Variants in TLN2 observed in about 807,000 individuals in gnomAD.
TLN2 encodes the protein talin-2.
TLN2 carries 118 observed loss-of-function variants against 294.7 expected under a neutral mutation model. That is an observed-to-expected ratio of 0.40 (90% CI 0.34 to 0.47). TLN2 has a LOEUF of 0.47. Among genes scored for constraint, TLN2 ranks in the 20% least tolerant of loss-of-function variants. The pLI is 0.84. For synonymous variants in TLN2, 1,431 were observed against 1,304.5 expected, an observed-to-expected ratio of 1.10 and a Z score of -2.09; for missense variants, 3,083 against 3,282.2, an observed-to-expected ratio of 0.94 and a Z score of 1.48.
At chr15:62,777,306 GC>G (rs2063786746) in intron 43 of TLN2, among the ~76,000 whole-genome samples, 1 of 152,148 alleles carries the variant, frequency 6.6e-6, no homozygotes, top group Non-Finnish European at 1.5e-5. Context: ...GGAGGCCAAG[GC>G]GGGCGGATCA....
rs566847301 is a variant in TLN2, at chr15:62,646,079, C to T, written c.-36-1196C>T. Among the ~76,000 whole-genome samples the T allele has an allele frequency of 2.6e-5, 4 of 152,260 alleles. No homozygotes were observed. In the East Asian group the frequency reaches 5.8e-4, roughly 22 times the overall value. On this transcript the variant is annotated intron_variant, in intron 3 of 58. Transcript: ENST00000636159. ...GAAAAACACTGAGTTGTTGAACTTA[C>T]ATTTTTAAAAGAAAGCATTTATGAG...
At chr15:62,772,857 T>A (rs1242322111) in intron 42 of TLN2, among the ~76,000 whole-genome samples, 2 of 151,854 alleles carry the variant, frequency 1.3e-5, no homozygotes, top group Non-Finnish European at 2.9e-5. Flanking sequence ...AGAGATGGGG[T>A]TTCACCATGT....
intron 50 of TLN2, among the ~76,000 whole-genome samples, chr15:62,801,531 C>A (rs2065925968): frequency 6.6e-6 from 1 of 152,178 alleles, no homozygotes; most frequent in Non-Finnish European, 1.5e-5. Context: ...TTGTTCTGCA[C>A]CTTTAAAGGG....
intron 52 of TLN2, among the ~76,000 whole-genome samples, chr15:62,812,558 A>C (rs1257409500): frequency 6.6e-6 from 1 of 152,160 alleles, no homozygotes; most frequent in Non-Finnish European, 1.5e-5. Flanking sequence ...CTTCGTAAGG[A>C]AGGGCAGGTG....
chr15:62,443,911 A>G (rs1402948568), intron 1 of TLN2, among the ~76,000 whole-genome samples: 2 of 152,140 alleles, frequency 1.3e-5, no homozygotes, highest in Non-Finnish European at 2.9e-5. Flanking sequence ...AGGTGGGAGG[A>G]TCCCTTGAGC....
chr15:62,677,139 A>C (rs2056303907), intron 11 of TLN2, among the ~76,000 whole-genome samples: 1 of 152,164 alleles, frequency 6.6e-6, no homozygotes, highest in Non-Finnish European at 1.5e-5. Flanking sequence ...ACACATGGGG[A>C]GATCTGCTCA....
chr15:62,419,721 C>T (rs1224892238), intron 1 of TLN2, among the ~76,000 whole-genome samples: 5 of 151,982 alleles, frequency 3.3e-5, no homozygotes, highest in African/African-American at 9.7e-5. Context: ...ACTGCAGCCT[C>T]GACCTGCTGG....
intron 1 of TLN2, among the ~76,000 whole-genome samples, chr15:62,402,880 A>G (rs190191059): frequency 5.9e-5 from 9 of 152,252 alleles, no homozygotes; most frequent in Middle Eastern, 3.4e-3. Context: ...TCCCTTTTGC[A>G]TCATCAGTTT....
intron 1 of TLN2, among the ~76,000 whole-genome samples, chr15:62,551,629 A>G (rs1033632436): frequency 6.6e-6 from 1 of 152,092 alleles, no homozygotes; most frequent in Non-Finnish European, 1.5e-5. Flanking sequence ...AACCTGGGAG[A>G]TGGAGGTTGC....
intron 9 of TLN2, among the ~76,000 whole-genome samples, chr15:62,662,622 G>A (rs952440191): frequency 6.6e-6 from 1 of 152,114 alleles, no homozygotes; most frequent in Admixed American, 6.5e-5. Flanking sequence ...CTTCTACGGG[G>A]TAGACACTAG....
intron 25 of TLN2, among the ~76,000 whole-genome samples, chr15:62,720,568 T>C (rs79038162): frequency 5.3e-4 from 81 of 152,280 alleles, no homozygotes; most frequent in African/African-American, 1.9e-3. Flanking sequence ...TTTCAAGTTA[T>C]ATAACTCTAA....
chr15:62,720,762 A>T (rs2060092960), intron 25 of TLN2, among the ~76,000 whole-genome samples: 1 of 151,944 alleles, frequency 6.6e-6, no homozygotes, highest in Non-Finnish European at 1.5e-5. Context: ...ATGATTTTGA[A>T]TAATCTTCTG....
chr15:62,692,967 A>C (rs759368484), intron 13 of TLN2, 26 bp downstream of exon 13: 5 of 1,579,830 alleles, frequency 3.2e-6, no homozygotes, highest in Non-Finnish European at 4.3e-6. Context: ...GCAAATTGGA[A>C]AAGCAAGACG....
intron 41 of TLN2, 91 bp from the exon 42 acceptor site, chr15:62,770,873 T>G: frequency 6.7e-7 from 1 of 1,484,758 alleles, no homozygotes; most frequent in Non-Finnish European, 9.0e-7. Context: ...AGCCCAGTCC[T>G]GTTCCCCTCC....
chr15:62,467,374 T>C (rs1282429579), intron 1 of TLN2, among the ~76,000 whole-genome samples: 1 of 152,190 alleles, frequency 6.6e-6, no homozygotes, highest in Non-Finnish European at 1.5e-5. Flanking sequence ...AGCCTTAATT[T>C]TACTCAGGTA....
At chr15:62,727,719 A>G (rs527575875) in intron 28 of TLN2, among the ~76,000 whole-genome samples, 36 of 152,256 alleles carry the variant, frequency 2.4e-4, no homozygotes, top group Non-Finnish European at 4.8e-4. Flanking sequence ...AACAGATTGC[A>G]CAATCATCAA....
intron 19 of TLN2, among the ~76,000 whole-genome samples, chr15:62,706,030 A>G (rs1192885910): frequency 1.3e-5 from 2 of 152,242 alleles, no homozygotes; most frequent in African/African-American, 4.8e-5. Flanking sequence ...TTTCCAATGT[A>G]TCTTCTCATA....
chr15:62,698,832 G>C lies in TLN2; in HGVS notation c.1552G>C (p.Glu518Gln). Reference protein sequence around the residue: ...AVQQAQDDLSELDSLPPLGQD... With the variant: ...AVQQAQDDLSQLDSLPPLGQD... Reference sequence around the variant, plus strand: ...CCAGCAGGCCCAGGATGATCTCAGTGAGCTCGACTCGCTGCCACCTCTCGG... The same window carrying C: ...CCAGCAGGCCCAGGATGATCTCAGTCAGCTCGACTCGCTGCCACCTCTCGG... Residue 518 changes from glutamate (E) to glutamine (Q), a missense_variant, in exon 16 of 59, where the codon GAG (glutamate) becomes CAG (glutamine). Transcript: ENST00000636159. 6.2e-7 allele frequency: 1 copy of C among 1,612,920 alleles called. No individual in the cohort carries two copies. The highest frequency in any genetic ancestry group is 1.1e-5 in the South Asian group (1 of 91,070).
At chr15:62,560,170 A>G (rs2042840572) in intron 1 of TLN2, among the ~76,000 whole-genome samples, 1 of 152,186 alleles carries the variant, frequency 6.6e-6, no homozygotes, top group Non-Finnish European at 1.5e-5. Flanking sequence ...CACAAAACAC[A>G]TCTCTTACAT....
Sources: gnomAD v4.1 joint callset for allele counts (sites outside exome capture counted in the v4.1 genomes callset) on GRCh38, gnomAD v4.1.1 for gene constraint, MANE v1.5 for transcripts, NCBI Gene and HGNC (gene_info 2026-07-23, HGNC 2026-07-21) for gene names.